The following AGBL4 variants were observed in gnomAD, a reference collection of about 807,000 sequenced individuals.
The protein encoded by AGBL4 is AGBL carboxypeptidase 4, also known as cytosolic carboxypeptidase 6.
Under a neutral mutation model 66.4 loss-of-function variants are expected in AGBL4, and 58 were observed. That is an observed-to-expected ratio of 0.87 (90% CI 0.71 to 1.09). The LOEUF is 1.09. Among genes scored for constraint, AGBL4 ranks in the 50% least tolerant of loss-of-function variants. The pLI is 0.00. For missense variants in AGBL4, 579 were observed against 631.0 expected, an observed-to-expected ratio of 0.92 and a Z score of 0.88; for synonymous variants, 234 against 222.9, an observed-to-expected ratio of 1.05 and a Z score of -0.44.
At chr1:49,648,808 G>A (rs1283065801) in intron 3 of AGBL4, among the ~76,000 whole-genome samples, 1 of 151,272 alleles carries the variant, frequency 6.6e-6, no homozygotes, top group East Asian at 1.9e-4. Context: ...AAAAAAAAAA[G>A]GAATCTGTAG....
chr1:49,935,270 A>C (rs545943356), intron 1 of AGBL4, among the ~76,000 whole-genome samples: 14 of 152,222 alleles, frequency 9.2e-5, no homozygotes, highest in Non-Finnish European at 1.6e-4. Flanking sequence ...AGGCGGCAGC[A>C]AGGCTGGGGG....
At chr1:49,494,941 C>T (rs946153003) in intron 3 of AGBL4, among the ~76,000 whole-genome samples, 2 of 152,020 alleles carry the variant, frequency 1.3e-5, no homozygotes, top group Non-Finnish European at 2.9e-5. Context: ...CACCTGTTTC[C>T]TGACTTTTAG....
At chr1:49,565,593 G>T (rs1241363349) in intron 3 of AGBL4, among the ~76,000 whole-genome samples, 1 of 152,234 alleles carries the variant, frequency 6.6e-6, no homozygotes, top group Non-Finnish European at 1.5e-5. Context: ...GAAATTCTGG[G>T]TTGAAAATTC....
chr1:49,120,493 T>C (rs993347302), intron 4 of AGBL4, among the ~76,000 whole-genome samples: 13 of 152,186 alleles, frequency 8.5e-5, no homozygotes, highest in African/African-American at 3.1e-4. Context: ...AGTTGAAAAG[T>C]CTTTTCTTCA....
chr1:48,750,447 G>A (rs72904848), intron 6 of AGBL4, among the ~76,000 whole-genome samples: 18,129 of 152,070 alleles, frequency 0.12, 1,722 homozygotes, highest in African/African-American at 0.26. Context: ...CCTTAACTTG[G>A]GGCCTCCTGC....
intron 5 of AGBL4, among the ~76,000 whole-genome samples, chr1:48,904,538 G>C (rs1202994353): frequency 6.6e-6 from 1 of 152,166 alleles, no homozygotes; most frequent in African/African-American, 2.4e-5. Context: ...TAAGAATAAA[G>C]TTTCAGAGCT....
intron 3 of AGBL4, among the ~76,000 whole-genome samples, chr1:49,424,059 C>T (rs986946893): frequency 6.6e-6 from 1 of 152,152 alleles, no homozygotes; most frequent in South Asian, 2.1e-4. Flanking sequence ...AACACATCCC[C>T]AACACCCTCT....
At chr1:48,853,979 G>A (rs11205559) in intron 6 of AGBL4, among the ~76,000 whole-genome samples, 134,879 of 152,172 alleles carry the variant, frequency 0.89, 60,433 homozygotes, top group Non-Finnish European at 0.96. Flanking sequence ...CAGAAGGCCT[G>A]GTGTTATCAA....
At chr1:48,720,329 AAGG>A (rs377529996) in intron 6 of AGBL4, among the ~76,000 whole-genome samples, 170 of 152,324 alleles carry the variant, frequency 1.1e-3, no homozygotes, top group African/African-American at 3.9e-3. Context: ...GATCTCCTGG[AAGG>A]AGGAGAAGAA....
chr1:49,083,809 C>T (rs1427228780), intron 4 of AGBL4, among the ~76,000 whole-genome samples: 2 of 152,202 alleles, frequency 1.3e-5, no homozygotes, highest in East Asian at 3.8e-4. Context: ...AACATAAGCT[C>T]CAATCCAAAT....
At chr1:50,005,500 T>C (rs1661059404) in intron 1 of AGBL4, among the ~76,000 whole-genome samples, 1 of 152,134 alleles carries the variant, frequency 6.6e-6, no homozygotes, top group Admixed American at 6.5e-5. Context: ...CCTAAGTCCC[T>C]TCAAATACCT....
chr1:49,865,772 G>C (rs1032236789), intron 1 of AGBL4: 1 of 162,744 alleles, frequency 6.1e-6, no homozygotes, highest in African/African-American at 2.4e-5. Flanking sequence ...TGAACTGACA[G>C]AAGTAGGCTT....
At chr1:49,623,450 C>T (rs1645405680) in intron 3 of AGBL4, among the ~76,000 whole-genome samples, 1 of 152,196 alleles carries the variant, frequency 6.6e-6, no homozygotes, top group Non-Finnish European at 1.5e-5. Context: ...GATGCTTCTT[C>T]TTTCCTGGCA....
At chr1:49,234,621 C>A (rs1650574853) in intron 4 of AGBL4, among the ~76,000 whole-genome samples, 1 of 152,008 alleles carries the variant, frequency 6.6e-6, no homozygotes, top group South Asian at 2.1e-4. Context: ...TTTATTTTTC[C>A]AGGGTCTTTT....
chr1:49,416,988 A>T (rs1337791490), intron 3 of AGBL4, among the ~76,000 whole-genome samples: 1 of 152,120 alleles, frequency 6.6e-6, no homozygotes. Context: ...CTGCTCCATG[A>T]CTAAGAGATT....
intron 4 of AGBL4, among the ~76,000 whole-genome samples, chr1:49,074,591 A>G (rs1430842867): frequency 6.6e-6 from 1 of 152,172 alleles, no homozygotes; most frequent in African/African-American, 2.4e-5. Context: ...TTTAACCTTC[A>G]GAGTAATCTT....
At chr1:49,696,056 C>T (rs1350815030) in intron 3 of AGBL4, among the ~76,000 whole-genome samples, 3 of 152,016 alleles carry the variant, frequency 2.0e-5, no homozygotes, top group South Asian at 2.1e-4. Context: ...AGCTAAACTC[C>T]CTAGGAGAAG....
At chr1:49,085,637 T>C (rs1644892749) in intron 4 of AGBL4, among the ~76,000 whole-genome samples, 1 of 151,332 alleles carries the variant, frequency 6.6e-6, no homozygotes, top group Non-Finnish European at 1.5e-5. Context: ...CAAGCAGCAG[T>C]GGGGCATAGA....
chr1:48,987,709 T>C (rs1660286771), intron 5 of AGBL4, among the ~76,000 whole-genome samples: 1 of 152,174 alleles, frequency 6.6e-6, no homozygotes, highest in South Asian at 2.1e-4. Context: ...ATATATATTT[T>C]TCTCAAGTAC....
Sources: allele counts gnomAD v4.1 joint callset (sites outside exome capture counted in the v4.1 genomes callset), GRCh38; gene constraint gnomAD v4.1.1; transcripts MANE v1.5; gene names NCBI Gene and HGNC (gene_info 2026-07-23, HGNC 2026-07-21).